Variants in RBFOX1 observed in about 807,000 individuals in gnomAD.
The protein encoded by RBFOX1 is RNA binding fox-1 homolog 1, also known as RNA binding protein fox-1 homolog 1.
In RBFOX1, 8 loss-of-function variants were observed where a neutral mutation model predicts 57.7. That is an observed-to-expected ratio of 0.14 (90% CI 0.08 to 0.25). The LOEUF (loss-of-function observed/expected upper bound fraction) is 0.25. Ranked by LOEUF, RBFOX1 falls within the 10% of genes least tolerant of loss-of-function variation. The pLI is 1.00. For synonymous variants in RBFOX1, 326 were observed against 222.4 expected (o/e 1.47, Z -4.15); for missense variants, 611 against 548.5 (o/e 1.11, Z -1.14).
intron 4 of RBFOX1, among the ~76,000 whole-genome samples, chr16:7,146,682 C>T (rs960860391): frequency 4.7e-4 from 71 of 152,128 alleles, no homozygotes; most frequent in African/African-American, 1.6e-3. Context: ...GGTGCAGTGG[C>T]TCATGCCTGC....
At position 5,924,189 on chromosome 16, in the gene RBFOX1, C is replaced by T. The variant is rs139664044; in HGVS notation, c.351+56854C>T. On this transcript the variant is annotated intron_variant, in intron 4 of 19. Transcript: ENST00000641259. ...TGCCATTATTGTAAGTTTCCTGAGG[C>T]CTCCCCAGCCATGTGGAACTGTGAG... 4.1e-3 allele frequency among the ~76,000 whole-genome samples: 617 copies of T among 152,266 alleles called. 8 individuals carry two copies. Among genetic ancestry groups the T allele is most frequent in the African/African-American group, 0.014 (592 of 41,560 alleles).
chr16:6,948,226 A>G (rs1433517664), intron 3 of RBFOX1, among the ~76,000 whole-genome samples: 1 of 152,084 alleles, frequency 6.6e-6, no homozygotes, highest in Non-Finnish European at 1.5e-5. Context: ...GAGCTGAGGC[A>G]TTCAAGACCA....
At chr16:7,050,149 G>A (rs2049496642) in intron 3 of RBFOX1, among the ~76,000 whole-genome samples, 1 of 125,622 alleles carries the variant, frequency 8.0e-6, no homozygotes, top group Non-Finnish European at 1.5e-5. Flanking sequence ...ATAATTCAAT[G>A]TGGGCTTTTT....
intron 2 of RBFOX1, among the ~76,000 whole-genome samples, chr16:6,472,786 C>G (rs752341522): frequency 6.6e-6 from 1 of 151,918 alleles, no homozygotes; most frequent in African/African-American, 2.4e-5. Context: ...CCATGCCCAG[C>G]TGTTTTTTTT....
intron 4 of RBFOX1, among the ~76,000 whole-genome samples, chr16:7,412,412 CAA>C (rs376200574): frequency 7.6e-6 from 1 of 132,218 alleles, no homozygotes. Flanking sequence ...GACATTCTGC[CAA>C]AAAAAAAAAA....
intron 3 of RBFOX1, among the ~76,000 whole-genome samples, chr16:6,844,269 A>C (rs1004242923): frequency 1.3e-5 from 2 of 151,996 alleles, no homozygotes; most frequent in African/African-American, 4.8e-5. Context: ...AATAGGTACC[A>C]TGGCAGTTTG....
intron 3 of RBFOX1, among the ~76,000 whole-genome samples, chr16:5,727,912 C>T (rs1464405228): frequency 6.6e-6 from 1 of 152,190 alleles, no homozygotes; most frequent in African/African-American, 2.4e-5. Flanking sequence ...GCCTTCAACT[C>T]CTGGCCTCAA....
chr16:7,217,964 C>T (rs543475708), intron 4 of RBFOX1, among the ~76,000 whole-genome samples: 1 of 149,440 alleles, frequency 6.7e-6, no homozygotes, highest in African/African-American at 2.5e-5. Context: ...ACATGTGTAC[C>T]TGTGTCTGCG....
intron 4 of RBFOX1, among the ~76,000 whole-genome samples, chr16:7,108,203 T>A (rs1310369772): frequency 6.6e-6 from 1 of 152,124 alleles, no homozygotes; most frequent in East Asian, 1.9e-4. Context: ...AGTCTCTGGG[T>A]CATCATGAGC....
upstream of RBFOX1, among the ~76,000 whole-genome samples, chr16:6,017,881 A>G (rs184912153): frequency 5.9e-5 from 9 of 151,728 alleles, no homozygotes; most frequent in African/African-American, 2.2e-4. Context: ...AGCATTTCTT[A>G]TAAGAGGATC....
intron 4 of RBFOX1, among the ~76,000 whole-genome samples, chr16:7,453,901 A>C (rs950259833): frequency 2.6e-5 from 4 of 152,130 alleles, no homozygotes; most frequent in Non-Finnish European, 5.9e-5. Flanking sequence ...GCAAAGAAGG[A>C]GTGGAGGAAG....
intron 4 of RBFOX1, among the ~76,000 whole-genome samples, chr16:7,438,307 A>G (rs947935826): frequency 6.6e-6 from 1 of 152,072 alleles, no homozygotes; most frequent in African/African-American, 2.4e-5. Context: ...TGTAAAGTGG[A>G]TGTGAGGGGG....
At chr16:7,067,106 A>G (rs1271977405) in intron 4 of RBFOX1, among the ~76,000 whole-genome samples, 2 of 152,134 alleles carry the variant, frequency 1.3e-5, no homozygotes, top group Non-Finnish European at 2.9e-5. Context: ...CTGAAGGGGA[A>G]CTCATATGCC....
chr16:7,708,040 C>G (rs376948081), intron 14 of RBFOX1, among the ~76,000 whole-genome samples: 2 of 152,114 alleles, frequency 1.3e-5, no homozygotes, highest in Admixed American at 6.5e-5. Context: ...GCAAGTTGCC[C>G]TAAGAGATTC....
intron 4 of RBFOX1, among the ~76,000 whole-genome samples, chr16:5,924,775 C>G (rs1041604785): frequency 6.6e-6 from 1 of 152,166 alleles, no homozygotes; most frequent in Admixed American, 6.5e-5. Flanking sequence ...TGAGTCTTAT[C>G]TTCATGATTT....
intron 3 of RBFOX1, among the ~76,000 whole-genome samples, chr16:6,783,558 C>A (rs919381167): frequency 6.6e-6 from 1 of 152,030 alleles, no homozygotes; most frequent in African/African-American, 2.4e-5. Flanking sequence ...TCTCCATCTC[C>A]TGCAGTCTGA....
chr16:7,569,434 T>C (rs976397866), intron 5 of RBFOX1, among the ~76,000 whole-genome samples: 7 of 152,102 alleles, frequency 4.6e-5, no homozygotes, highest in Admixed American at 1.3e-4. Flanking sequence ...TGGGTTGAGT[T>C]TTTCTCACGG....
chr16:5,298,972 A>T (rs975769291), intron 1 of RBFOX1, among the ~76,000 whole-genome samples: 2 of 130,234 alleles, frequency 1.5e-5, no homozygotes, highest in Non-Finnish European at 3.2e-5. Context: ...ACAGATCTTA[A>T]GCATTCAATT....
At chr16:7,427,462 G>A (rs1045879763) in intron 4 of RBFOX1, among the ~76,000 whole-genome samples, 3 of 151,906 alleles carry the variant, frequency 2.0e-5, no homozygotes, top group Non-Finnish European at 4.4e-5. Flanking sequence ...TGTACCCTCC[G>A]GTGACTTGCT....
Sources: gnomAD v4.1 joint callset for allele counts (sites outside exome capture counted in the v4.1 genomes callset) on GRCh38, gnomAD v4.1.1 for gene constraint, MANE v1.5 for transcripts, NCBI Gene and HGNC (gene_info 2026-07-23, HGNC 2026-07-21) for gene names.